SNX30: variants seen among roughly 807,000 people sequenced by gnomAD.
The protein encoded by SNX30 is sorting nexin family member 30.
Under a neutral mutation model 46.4 loss-of-function variants are expected in SNX30, and 24 were observed. That is an observed-to-expected ratio of 0.52 (90% confidence interval 0.37 to 0.73). SNX30 has a LOEUF of 0.73. Among genes scored for constraint, SNX30 ranks in the 30% least tolerant of loss-of-function variants. The probability of loss-of-function intolerance (pLI) is 0.00; values close to 1 mark genes in which losing one functional copy is unlikely to be tolerated. For missense variants in SNX30, 533 were observed against 555.7 expected, an observed-to-expected ratio of 0.96 and a Z score of 0.41; for synonymous variants, 189 against 211.5, an observed-to-expected ratio of 0.89 and a Z score of 0.92.
At chr9:112,769,199 G>C (rs1355900048) in intron 1 of SNX30, among the ~76,000 whole-genome samples, 1 of 152,198 alleles carries the variant, frequency 6.6e-6, no homozygotes, top group Non-Finnish European at 1.5e-5. Flanking sequence ...CTGTCCTGCG[G>C]ATAAACTAGC....
At chr9:112,768,652 T>C (rs1383809005) in intron 1 of SNX30, among the ~76,000 whole-genome samples, 5,050 of 74,210 alleles carry the variant, frequency 0.068, 937 homozygotes, top group African/African-American at 0.13. Flanking sequence ...TTCTTCTTTT[T>C]TTTTTTTTTT....
downstream of SNX30, among the ~76,000 whole-genome samples, chr9:112,884,309 C>T (rs1309662607): frequency 6.6e-6 from 1 of 152,174 alleles, no homozygotes; most frequent in Non-Finnish European, 1.5e-5. Flanking sequence ...TCTGGCATGC[C>T]TGCCTGGGTT....
Position 112,812,833 on chromosome 9 carries a change from T to G in SNX30, c.349-4872T>G, listed in dbSNP as rs143739094. 1.6e-4 allele frequency among the ~76,000 whole-genome samples: 24 copies of G among 152,280 alleles called. No individual in the cohort carries two copies. In the East Asian group the frequency reaches 3.5e-3, roughly 22 times the overall value. On this transcript the variant is annotated intron_variant, in intron 2 of 8. Coordinates refer to ENST00000374232, the MANE Select transcript of SNX30 (RefSeq NM_001012994.2). ...AATGAAATCCTTATGTACAATTAATTTTGTATCCTCCCATTTTCCCTTAAA... is the reference window on the plus strand; with the variant it reads ...AATGAAATCCTTATGTACAATTAATGTTGTATCCTCCCATTTTCCCTTAAA...
At chr9:112,760,634 C>A (rs1839419893) in intron 1 of SNX30, among the ~76,000 whole-genome samples, 1 of 152,186 alleles carries the variant, frequency 6.6e-6, no homozygotes, top group Admixed American at 6.5e-5. Context: ...AGTTCAGGAT[C>A]CGACTGTGCC....
chr9:112,814,589 T>G (rs2131416916), intron 2 of SNX30, among the ~76,000 whole-genome samples: 1 of 152,316 alleles, frequency 6.6e-6, no homozygotes, highest in Non-Finnish European at 1.5e-5. Context: ...AAAAATACTT[T>G]TCTTCTTTTG....
At chr9:112,855,524 G>T (rs1433310484) in intron 7 of SNX30, among the ~76,000 whole-genome samples, 1 of 152,160 alleles carries the variant, frequency 6.6e-6, no homozygotes, top group Non-Finnish European at 1.5e-5. Flanking sequence ...CCCAGGGGAA[G>T]GAAGTGGCCT....
chr9:112,857,883 G>A (rs990858056), intron 7 of SNX30, among the ~76,000 whole-genome samples: 2 of 152,048 alleles, frequency 1.3e-5, no homozygotes, highest in Admixed American at 6.6e-5. Context: ...TGAGTAATGC[G>A]TTTTTAAATG....
At chr9:112,829,355 C>T (rs748451988) in intron 3 of SNX30, among the ~76,000 whole-genome samples, 5 of 152,184 alleles carry the variant, frequency 3.3e-5, no homozygotes, top group Non-Finnish European at 5.9e-5. Flanking sequence ...CTGCAACCTC[C>T]CCATCTTGCC....
intron 1 of SNX30, among the ~76,000 whole-genome samples, chr9:112,796,335 A>G: frequency 6.6e-6 from 1 of 152,226 alleles, no homozygotes; most frequent in South Asian, 2.1e-4. Context: ...CAGTGTTTAA[A>G]TGTTTACTGA....
At chr9:112,831,228 G>A (rs534353893) in intron 4 of SNX30, among the ~76,000 whole-genome samples, 1 of 151,842 alleles carries the variant, frequency 6.6e-6, no homozygotes, top group South Asian at 2.1e-4. Context: ...TCATAAAATT[G>A]GTCTTTTTTT....
chr9:112,820,052 A>G (rs1216857702), intron 3 of SNX30, among the ~76,000 whole-genome samples: 2 of 152,180 alleles, frequency 1.3e-5, no homozygotes, highest in Admixed American at 6.5e-5. Context: ...GGAAGCGCAA[A>G]GGTAAGACAG....
At chr9:112,813,376 G>C (rs902185495) in intron 2 of SNX30, among the ~76,000 whole-genome samples, 2 of 151,956 alleles carry the variant, frequency 1.3e-5, no homozygotes, top group Admixed American at 6.6e-5. Context: ...GTACTTGGGA[G>C]GCTGAGGTGG....
chr9:112,791,399 CTTTTTTTTT>C (rs386415930), intron 1 of SNX30, among the ~76,000 whole-genome samples: 17 of 67,476 alleles, frequency 2.5e-4, no homozygotes, highest in East Asian at 1.1e-3. Context: ...TATTTAGGAA[CTTTTTTTTT>C]TTTTTTTTTT....
intron 2 of SNX30, among the ~76,000 whole-genome samples, chr9:112,814,610 A>G (rs1840369016): frequency 1.3e-5 from 2 of 152,224 alleles, no homozygotes; most frequent in African/African-American, 4.8e-5. Flanking sequence ...GCCAATAAAC[A>G]TTTGAAAGGA....
At chr9:112,778,964 A>G (rs1036790728) in intron 1 of SNX30, among the ~76,000 whole-genome samples, 2 of 152,182 alleles carry the variant, frequency 1.3e-5, no homozygotes, top group African/African-American at 2.4e-5. Flanking sequence ...GAAAGAACAC[A>G]TCTTAGAGGA....
At chr9:112,823,412 C>A (rs988446710) in intron 3 of SNX30, among the ~76,000 whole-genome samples, 2 of 152,230 alleles carry the variant, frequency 1.3e-5, no homozygotes, top group Non-Finnish European at 2.9e-5. Flanking sequence ...CTCCGTACCC[C>A]TGGCAACCAC....
chr9:112,882,391 G>A (rs1367858074), downstream of SNX30, among the ~76,000 whole-genome samples: 2 of 152,208 alleles, frequency 1.3e-5, no homozygotes, highest in African/African-American at 4.8e-5. Flanking sequence ...ACAGGTGTGA[G>A]CCACTGCACC....
At chr9:112,857,456 A>G (rs1841152959) in intron 7 of SNX30, among the ~76,000 whole-genome samples, 1 of 152,092 alleles carries the variant, frequency 6.6e-6, no homozygotes, top group South Asian at 2.1e-4. Context: ...CCCAGAGGGC[A>G]GAGGACCAAT....
intron 7 of SNX30, among the ~76,000 whole-genome samples, chr9:112,860,807 TGAG>T (rs1444123930): frequency 3.3e-5 from 5 of 152,262 alleles, no homozygotes; most frequent in Admixed American, 2.0e-4. Flanking sequence ...GAATAAAGCT[TGAG>T]GAGCTGTGCA....
Sources: gnomAD v4.1 joint callset for allele counts (sites outside exome capture counted in the v4.1 genomes callset) on GRCh38, gnomAD v4.1.1 for gene constraint, MANE v1.5 for transcripts, NCBI Gene and HGNC (gene_info 2026-07-23, HGNC 2026-07-21) for gene names.